The following STOM variants were observed in gnomAD, a reference collection of about 807,000 sequenced individuals.
STOM encodes the protein stomatin.
Under a neutral mutation model 30.6 loss-of-function variants are expected in STOM, and 25 were observed. The ratio of observed to expected loss-of-function variants is 0.82; its 90% CI spans 0.60 to 1.14. STOM has a LOEUF of 1.14. Ranked by LOEUF, STOM falls within the 50% of genes most tolerant of loss-of-function variation. STOM has a pLI of 0.00. For synonymous variants in STOM, 118 were observed against 130.8 expected (o/e 0.90, Z 0.67); for missense variants, 292 against 365.2 (o/e 0.80, Z 1.63).
chr9:121,341,105 G>T lies in STOM; in HGVS notation c.*97C>A. 1 of 1,577,924 alleles carries T rather than the reference G, an allele frequency of 6.3e-7. No individual in the cohort carries two copies. ...TATACATTCTGGGAACACCACAATT[G>T]ACATATGGAAAAAGAAAAGCCCTAC... On this transcript the variant is annotated 3_prime_UTR_variant, in exon 7 of 7. Coordinates refer to ENST00000286713, the MANE Select transcript of STOM (RefSeq NM_004099.6).
intron 1 of STOM, among the ~76,000 whole-genome samples, chr9:121,364,918 G>A (rs954800259): frequency 1.3e-5 from 2 of 152,124 alleles, no homozygotes; most frequent in Non-Finnish European, 2.9e-5. Flanking sequence ...TTCACAGATG[G>A]CTCTGCCACT....
chr9:121,365,736 T>C (rs188572636), intron 1 of STOM, among the ~76,000 whole-genome samples: 1 of 152,284 alleles, frequency 6.6e-6, no homozygotes, highest in East Asian at 1.9e-4. Context: ...AAAAGAACAG[T>C]ATTTATTTCA....
chr9:121,368,663 G>C (rs2064528878), intron 1 of STOM, among the ~76,000 whole-genome samples: 1 of 152,124 alleles, frequency 6.6e-6, no homozygotes, highest in Non-Finnish European at 1.5e-5. Context: ...GCACTGGGGG[G>C]GTCGCGGTGG....
intron 5 of STOM, 36 bp from the exon 6 acceptor site, chr9:121,348,185 A>G (rs771610585): frequency 1.4e-5 from 23 of 1,613,512 alleles, no homozygotes; most frequent in Non-Finnish European, 1.7e-5. Context: ...AAATCTCCTC[A>G]GCCCAGCCCA....
rs199629563 is a variant in STOM at position 121,349,231 on chromosome 9, G to A, written c.414C>T (p.Asn138=). ...NATLAVANIT[N]ADSATRLLAQ... is the part of the protein sequence containing the mutation. ...CCAAAAGACGGGTTGCTGAGTCAGC[G>A]TTGGTGATATTTGCCACAGCCAGGG... is the stretch of plus-strand genomic sequence containing the variant. Residue 138 remains asparagine, a synonymous_variant, in exon 5 of 7, where the codon AAC becomes AAT. Transcript: ENST00000286713. 134 of 1,614,182 alleles carry A rather than the reference G, an allele frequency of 8.3e-5. No individual in the cohort carries two copies. Among genetic ancestry groups the A allele is most frequent in the Middle Eastern group, 3.3e-4 (2 of 6,062 alleles).
intron 4 of STOM, among the ~76,000 whole-genome samples, chr9:121,352,104 A>G (rs2064345041): frequency 6.6e-6 from 1 of 152,130 alleles, no homozygotes; most frequent in African/African-American, 2.4e-5. Flanking sequence ...TGGGAGATTG[A>G]TTCTAGGACC....
intron 1 of STOM, among the ~76,000 whole-genome samples, chr9:121,363,781 A>G (rs1041579147): frequency 6.6e-6 from 1 of 152,212 alleles, no homozygotes; most frequent in African/African-American, 2.4e-5. Context: ...TTGAGGAGGA[A>G]GACTTGCATA....
At chr9:121,354,736 C>T in intron 2 of STOM, 63 bp from the exon 3 acceptor site, 2 of 1,247,008 alleles carry the variant, frequency 1.6e-6, no homozygotes, top group Non-Finnish European at 2.3e-6. Context: ...TGCATGGCTT[C>T]TTAAATATAT....
At chr9:121,348,954 T>A (rs886123956) in intron 5 of STOM, among the ~76,000 whole-genome samples, 166 bp downstream of exon 5, 1 of 152,144 alleles carries the variant, frequency 6.6e-6, no homozygotes, top group Non-Finnish European at 1.5e-5. Context: ...GAACTGCTAA[T>A]GTGAAAAATG....
rs918496772 is a variant in STOM, at chr9:121,353,245, A to G, written c.296T>C (p.Ile99Thr). The change falls in exon 4 of 7, where the codon ATT (isoleucine) becomes ACT (threonine). Residue 99 changes from isoleucine to threonine, a missense_variant. Coordinates refer to ENST00000286713, the MANE Select transcript of STOM (RefSeq NM_004099.6). ...DSFIKVDMRT[I>T]SFDIPPQEIL... ...CTCCTGAGGAGGAATATCAAATGAA[A>G]TAGTTCTCATGTCCACTTTGATGAA... The G allele has an allele frequency of 1.2e-6, 2 of 1,610,894 alleles. No homozygotes were observed. Among genetic ancestry groups the G allele is most frequent in the Non-Finnish European group, 8.5e-7 (1 of 1,178,698 alleles).
chr9:121,342,218 A>C (rs367893055), intron 6 of STOM, among the ~76,000 whole-genome samples: 16 of 152,262 alleles, frequency 1.1e-4, no homozygotes, highest in African/African-American at 3.6e-4. Flanking sequence ...AAAAGTACAA[A>C]AATTAGCTGG....
At chr9:121,370,068 G>C in intron 1 of STOM, 59 bp downstream of exon 1, 7 of 1,467,524 alleles carry the variant, frequency 4.8e-6, no homozygotes, top group Non-Finnish European at 6.4e-6. Context: ...AGACCTCGGA[G>C]CGCACGCTGC....
chr9:121,346,843 G>A (rs531262712), intron 6 of STOM, among the ~76,000 whole-genome samples: 2 of 152,326 alleles, frequency 1.3e-5, no homozygotes, highest in South Asian at 4.1e-4. Context: ...TGACCAGTTT[G>A]TGGCTTAAAG....
intron 1 of STOM, among the ~76,000 whole-genome samples, chr9:121,368,767 C>T (rs1264193010): frequency 6.6e-6 from 1 of 151,836 alleles, no homozygotes; most frequent in Non-Finnish European, 1.5e-5. Flanking sequence ...ATGGTGAAAC[C>T]CTGTATCTAC....
chr9:121,366,468 C>T (rs1269354836), intron 1 of STOM, among the ~76,000 whole-genome samples: 4 of 151,990 alleles, frequency 2.6e-5, no homozygotes, highest in African/African-American at 9.7e-5. Flanking sequence ...TTATTAAGGA[C>T]AATATATTAT....
chr9:121,341,703 A>G (rs1589285036), intron 6 of STOM, among the ~76,000 whole-genome samples: 1 of 152,228 alleles, frequency 6.6e-6, no homozygotes, highest in East Asian at 1.9e-4. Context: ...GGATTGAGAA[A>G]GCAAGTAACT....
intron 1 of STOM, chr9:121,369,891 C>G (rs1325619093): frequency 9.6e-5 from 48 of 501,720 alleles, no homozygotes; most frequent in Non-Finnish European, 1.1e-5. Flanking sequence ...CGCGAGATAA[C>G]CAGGGCCCGT....
rs759436368 is a variant in STOM, at chr9:121,354,668, T to C, written c.171A>G (p.Ile57Met). 6.2e-7 allele frequency: 1 copy of C among 1,604,186 alleles called. No homozygotes were observed. The highest frequency in any genetic ancestry group is 1.3e-5 in the African/African-American group (1 of 74,486). ...AGATGATGGCTCTTTCATACTCTTTTATAATCTAGAATAAAAACATGAATA... is the reference window on the plus strand; with the variant it reads ...AGATGATGGCTCTTTCATACTCTTTCATAATCTAGAATAAAAACATGAATA... ...PISIWMCIKIIKEYERAIIFR... is the reference protein window; with the variant it reads ...PISIWMCIKIMKEYERAIIFR... The change falls in exon 3 of 7, where the codon ATA becomes ATG. Residue 57 changes from isoleucine (I) to methionine (M), a missense_variant. Ile to Met is a conservative substitution (Grantham distance 10, BLOSUM62 1). Transcript: ENST00000286713.
intron 1 of STOM, among the ~76,000 whole-genome samples, chr9:121,362,786 G>A (rs2064465926): frequency 6.6e-6 from 1 of 152,108 alleles, no homozygotes; most frequent in African/African-American, 2.4e-5. Context: ...AGACCTTGTA[G>A]GAAGAAACAA....
Sources: allele counts gnomAD v4.1 joint callset (sites outside exome capture counted in the v4.1 genomes callset), GRCh38; gene constraint gnomAD v4.1.1; transcripts MANE v1.5; gene names NCBI Gene and HGNC (gene_info 2026-07-23, HGNC 2026-07-21).